Variants in DCP2 observed in about 807,000 individuals in gnomAD.
DCP2 encodes decapping mRNA 2, also known as m7GpppN-mRNA hydrolase.
Under a neutral mutation model 56.1 loss-of-function variants are expected in DCP2, and 30 were observed. The ratio of observed to expected loss-of-function variants is 0.53; its 90% CI spans 0.40 to 0.73. The LOEUF is 0.73. Ranked by LOEUF, DCP2 falls within the 30% of genes least tolerant of loss-of-function variation. DCP2 has a pLI of 0.00. For synonymous variants in DCP2, 197 were observed against 163.3 expected (o/e 1.21, Z -1.57); for missense variants, 533 against 502.7 (o/e 1.06, Z -0.58).
At chr5:113,005,397 CATT>C (rs1308411614) in intron 8 of DCP2, among the ~76,000 whole-genome samples, 1 of 152,120 alleles carries the variant, frequency 6.6e-6, no homozygotes, top group African/African-American at 2.4e-5. Context: ...AATGGCTCAA[CATT>C]ATTAATCATT....
chr5:112,999,016 G>A (rs1561696359), intron 4 of DCP2, among the ~76,000 whole-genome samples: 1 of 152,164 alleles, frequency 6.6e-6, no homozygotes, highest in Non-Finnish European at 1.5e-5. Context: ...CTTACTTGCT[G>A]CATTTGCATT....
chr5:112,977,257 A>T (rs114374445), intron 1 of DCP2, among the ~76,000 whole-genome samples: 2,301 of 152,232 alleles, frequency 0.015, 53 homozygotes, highest in African/African-American at 0.052. Context: ...GCTTTCCCGC[A>T]GGCGTAGCCG....
intron 10 of DCP2, among the ~76,000 whole-genome samples, chr5:113,012,427 T>G (rs1749714077): frequency 6.6e-6 from 1 of 152,176 alleles, no homozygotes; most frequent in Non-Finnish European, 1.5e-5. Flanking sequence ...TATAAAATTT[T>G]GAGTTGTCTT....
At chr5:113,010,141 T>C (rs2150191554) in intron 9 of DCP2, among the ~76,000 whole-genome samples, 1 of 150,846 alleles carries the variant, frequency 6.6e-6, no homozygotes, top group South Asian at 2.1e-4. Context: ...CAAGCAGTCC[T>C]CCCATCTCAG....
rs1479628516 is a variant in DCP2 at position 113,008,039 on chromosome 5, G to C, written c.1044G>C (p.Leu348Phe). 3 of 1,613,358 alleles carry C rather than the reference G, an allele frequency of 1.9e-6. No individual in the cohort carries two copies. The highest frequency in any genetic ancestry group is 2.5e-6 in the Non-Finnish European group (3 of 1,179,396). ...AGCCAGCAAAGCAGCAGAATTCTTT[G>C]ATGGTAAGAGTTATAGCTGTCACAC... ...GLQPAKQQNS[L>F]MKCEKKLHPR... The change falls in exon 9 of 11, where the codon TTG (leucine) becomes TTC (phenylalanine). Residue 348 changes from leucine to phenylalanine, a missense_variant. This residue lies in a region of DCP2 where 392 missense variants were observed against 346.6 expected (regional missense o/e 1.13). Coordinates refer to ENST00000389063, the MANE Select transcript of DCP2 (RefSeq NM_152624.6).
chr5:112,983,871 A>G (rs1748124811), intron 1 of DCP2: 2 of 152,396 alleles, frequency 1.3e-5, no homozygotes, highest in Admixed American at 6.5e-5. Flanking sequence ...TTTCCAACTT[A>G]GAATTCTTTA....
chr5:113,021,193 C>T lies in DCP2; in HGVS notation c.*7709C>T, dbSNP rs1279063824. ...AGGAGTTCGAGACCAGCCTGACCAA[C>T]ATGGTGAAACTAAAAATTCAAAAAT... is the stretch of plus-strand genomic sequence containing the variant. On this transcript the variant is annotated 3_prime_UTR_variant, in exon 11 of 11. Coordinates refer to ENST00000389063, the MANE Select transcript of DCP2 (RefSeq NM_152624.6). 6.6e-6 allele frequency among the ~76,000 whole-genome samples: 1 copy of T among 151,972 alleles called. No homozygotes were observed. The highest frequency in any genetic ancestry group is 1.5e-5 in the Non-Finnish European group (1 of 67,980).
intron 1 of DCP2, among the ~76,000 whole-genome samples, chr5:112,982,454 T>G (rs2150167713): frequency 6.6e-6 from 1 of 152,352 alleles, no homozygotes; most frequent in Middle Eastern, 3.4e-3. Context: ...CATTCTTGTT[T>G]TGCTTGTGCG....
At chr5:112,982,589 C>G (rs1748062143) in intron 1 of DCP2, among the ~76,000 whole-genome samples, 1 of 152,160 alleles carries the variant, frequency 6.6e-6, no homozygotes, top group Non-Finnish European at 1.5e-5. Context: ...TTTTGAGTAC[C>G]AGTGTCTAGG....
intron 7 of DCP2, among the ~76,000 whole-genome samples, chr5:113,002,385 T>G (rs2150184668): frequency 6.7e-6 from 1 of 150,018 alleles, no homozygotes; most frequent in East Asian, 2.0e-4. Context: ...ATCATGCCAC[T>G]GTACTCCAGC....
chr5:113,005,525 G>C (rs562277255), intron 8 of DCP2, among the ~76,000 whole-genome samples: 82 of 152,314 alleles, frequency 5.4e-4, no homozygotes, highest in Non-Finnish European at 3.4e-4. Flanking sequence ...TGAGGATGTG[G>C]AGAAACTGGA....
intron 8 of DCP2, among the ~76,000 whole-genome samples, chr5:113,005,086 G>A (rs189514700): frequency 6.6e-6 from 1 of 151,640 alleles, no homozygotes; most frequent in Non-Finnish European, 1.5e-5. Context: ...CCAAGATCGC[G>A]CCATTGCACT....
intron 9 of DCP2, 38 bp downstream of exon 9, chr5:113,008,080 T>TC: frequency 6.5e-7 from 1 of 1,542,794 alleles, no homozygotes; most frequent in Non-Finnish European, 8.9e-7. Context: ...AGGCAGTTCA[T>TC]CCTCTGAAGA....
chr5:113,004,418 A>G (rs1580825929), intron 8 of DCP2, among the ~76,000 whole-genome samples: 1 of 152,278 alleles, frequency 6.6e-6, no homozygotes, highest in East Asian at 1.9e-4. Flanking sequence ...AGCGTATTGT[A>G]AACTTCGATT....
chr5:112,994,050 G>A (rs1166284695), intron 4 of DCP2, among the ~76,000 whole-genome samples: 1 of 151,708 alleles, frequency 6.6e-6, no homozygotes, highest in Non-Finnish European at 1.5e-5. Context: ...CTCCTCCTCG[G>A]CCTCCCAAAG....
intron 1 of DCP2, among the ~76,000 whole-genome samples, chr5:112,978,873 G>T (rs1010956746): frequency 6.6e-6 from 1 of 152,186 alleles, no homozygotes; most frequent in African/African-American, 2.4e-5. Context: ...AATTAGCTGT[G>T]TGTTAATAGG....
intron 2 of DCP2, among the ~76,000 whole-genome samples, chr5:112,988,730 T>G (rs1182215847): frequency 6.6e-6 from 1 of 152,166 alleles, no homozygotes; most frequent in African/African-American, 2.4e-5. Flanking sequence ...GTTAAAGGCC[T>G]TGGTGATAGG....
At chr5:112,977,061 C>T in intron 1 of DCP2, 75 bp downstream of exon 1, 3 of 1,170,330 alleles carry the variant, frequency 2.6e-6, no homozygotes, top group South Asian at 1.8e-5. Context: ...GCCTCTGGGT[C>T]TTCTTCCCCG....
At chr5:112,992,513 G>GT (rs1748640996) in intron 3 of DCP2, among the ~76,000 whole-genome samples, 159 bp from the exon 4 acceptor site, 1 of 152,092 alleles carries the variant, frequency 6.6e-6, no homozygotes, top group African/African-American at 2.4e-5. Context: ...CACACTGGTG[G>GT]TGATGTATTC....
Sources: allele counts gnomAD v4.1 joint callset (sites outside exome capture counted in the v4.1 genomes callset), GRCh38; gene constraint gnomAD v4.1.1; regional missense constraint gnomAD v4.1.1; transcripts MANE v1.5; gene names NCBI Gene and HGNC (gene_info 2026-07-23, HGNC 2026-07-21).